Variants in CACNG2 observed in about 807,000 individuals in gnomAD.
CACNG2 encodes calcium voltage-gated channel auxiliary subunit gamma 2.
CACNG2 carries 3 observed loss-of-function variants against 25.9 expected under a neutral mutation model. The ratio of observed to expected loss-of-function variants is 0.12; its 90% CI spans 0.05 to 0.30. CACNG2 has a LOEUF of 0.30. Ranked by LOEUF, CACNG2 falls within the 10% of genes least tolerant of loss-of-function variation. CACNG2 has a pLI of 1.00. For missense variants in CACNG2, 341 were observed against 432.5 expected (o/e 0.79, Z 1.88); for synonymous variants, 167 against 173.3 (o/e 0.96, Z 0.29).
chr22:36,588,325 G>C (rs2145922716), intron 1 of CACNG2, among the ~76,000 whole-genome samples: 1 of 152,332 alleles, frequency 6.6e-6, no homozygotes, highest in Middle Eastern at 3.4e-3. Context: ...CTCGGTGCCT[G>C]CTGGGAAGGT....
chr22:36,643,906 G>C (rs1316206039), intron 1 of CACNG2, among the ~76,000 whole-genome samples: 1 of 152,156 alleles, frequency 6.6e-6, no homozygotes, highest in East Asian at 1.9e-4. Flanking sequence ...ATAAAGCTAA[G>C]CACCTTGCCC....
At chr22:36,595,577 G>A (rs1304618105) in intron 1 of CACNG2, among the ~76,000 whole-genome samples, 7 of 152,170 alleles carry the variant, frequency 4.6e-5, no homozygotes, top group Non-Finnish European at 2.9e-5. Flanking sequence ...TTTGCAAAAG[G>A]ACTGGTCCCA....
chr22:36,694,415 C>T (rs1326040727), intron 1 of CACNG2, among the ~76,000 whole-genome samples: 1 of 152,170 alleles, frequency 6.6e-6, no homozygotes, highest in Non-Finnish European at 1.5e-5. Context: ...GCCATCGCAG[C>T]TCACCAGCAA....
At chr22:36,661,492 C>T (rs771574802) in intron 1 of CACNG2, among the ~76,000 whole-genome samples, 57 of 152,010 alleles carry the variant, frequency 3.7e-4, no homozygotes, top group Non-Finnish European at 1.6e-4. Flanking sequence ...CCGTGTGGGG[C>T]CTAGGGTGTG....
intron 1 of CACNG2, among the ~76,000 whole-genome samples, chr22:36,607,867 C>T (rs527395731): frequency 2.6e-4 from 39 of 152,348 alleles, no homozygotes; most frequent in African/African-American, 9.4e-4. Context: ...GAATTAAGCT[C>T]TCCTCTCTTC....
intron 1 of CACNG2, among the ~76,000 whole-genome samples, chr22:36,592,390 G>T (rs1335545237): frequency 1.3e-5 from 2 of 152,140 alleles, no homozygotes; most frequent in South Asian, 2.1e-4. Context: ...GAGAGTGGAG[G>T]GGGTGTGGAT....
chr22:36,634,342 T>A (rs1396011617), intron 1 of CACNG2, among the ~76,000 whole-genome samples: 1 of 152,318 alleles, frequency 6.6e-6, no homozygotes, highest in African/African-American at 2.4e-5. Flanking sequence ...CCATGATTTT[T>A]CTCCTTCTAG....
intron 1 of CACNG2, among the ~76,000 whole-genome samples, chr22:36,640,701 T>C (rs1366677213): frequency 6.6e-6 from 1 of 152,204 alleles, no homozygotes; most frequent in Non-Finnish European, 1.5e-5. Flanking sequence ...AGGGCCTCTT[T>C]GTTTCCGCGC....
chr22:36,634,309 T>A (rs10427770), intron 1 of CACNG2, among the ~76,000 whole-genome samples: 8,846 of 152,234 alleles, frequency 0.058, 849 homozygotes, highest in African/African-American at 0.2. Context: ...GCCTACCCAT[T>A]ACAGCCTCTC....
At chr22:36,664,515 A>T (rs1486385002) in intron 1 of CACNG2, among the ~76,000 whole-genome samples, 1 of 152,132 alleles carries the variant, frequency 6.6e-6, no homozygotes, top group East Asian at 1.9e-4. Context: ...GATGGACACC[A>T]CCTACACCCC....
chr22:36,602,468 C>A (rs775427466), intron 1 of CACNG2, among the ~76,000 whole-genome samples: 39 of 152,202 alleles, frequency 2.6e-4, no homozygotes, highest in Non-Finnish European at 4.9e-4. Flanking sequence ...TCTCTGCAAC[C>A]TTTGCCTCCT....
chr22:36,641,424 G>A (rs1601431553), intron 1 of CACNG2, among the ~76,000 whole-genome samples: 1 of 152,334 alleles, frequency 6.6e-6, no homozygotes, highest in East Asian at 1.9e-4. Context: ...CCCATGGTAG[G>A]TATTTGACAA....
intron 2 of CACNG2, among the ~76,000 whole-genome samples, chr22:36,572,148 C>T (rs558418392): frequency 6.6e-6 from 1 of 152,194 alleles, no homozygotes; most frequent in African/African-American, 2.4e-5. Context: ...GCATATGGCA[C>T]TTCACATTAC....
intron 2 of CACNG2, among the ~76,000 whole-genome samples, chr22:36,576,936 C>T (rs976309517): frequency 6.6e-6 from 1 of 152,108 alleles, no homozygotes; most frequent in South Asian, 2.1e-4. Context: ...TTTTGAGAGC[C>T]CAGGGAGCTA....
intron 1 of CACNG2, among the ~76,000 whole-genome samples, chr22:36,619,146 C>A (rs921812856): frequency 1.3e-5 from 2 of 152,070 alleles, no homozygotes; most frequent in African/African-American, 4.8e-5. Context: ...GGCCCAAGAT[C>A]GCAGTGTTTC....
At chr22:36,669,542 T>A (rs1240442887) in intron 1 of CACNG2, among the ~76,000 whole-genome samples, 2 of 150,648 alleles carry the variant, frequency 1.3e-5, no homozygotes, top group Non-Finnish European at 3.0e-5. Flanking sequence ...AAGAACATCT[T>A]CTCTGAACTC....
At chr22:36,609,273 C>A (rs987707104) in intron 1 of CACNG2, among the ~76,000 whole-genome samples, 1 of 143,526 alleles carries the variant, frequency 7.0e-6, no homozygotes, top group East Asian at 2.1e-4. Flanking sequence ...GGAATCAGCA[C>A]CCCCAGAGTG....
chr22:36,691,279 G>T (rs1298846341), intron 1 of CACNG2, among the ~76,000 whole-genome samples: 1 of 134,948 alleles, frequency 7.4e-6, no homozygotes, highest in African/African-American at 2.8e-5. Context: ...GTAGGATGTG[G>T]CTGGGAAAGG....
chr22:36,682,199 C>T (rs1028339950), intron 1 of CACNG2, among the ~76,000 whole-genome samples: 3 of 152,204 alleles, frequency 2.0e-5, no homozygotes, highest in Non-Finnish European at 2.9e-5. Flanking sequence ...GGCTTGAAGG[C>T]CCTTGCAGGA....
Sources: gnomAD v4.1 joint callset for allele counts (sites outside exome capture counted in the v4.1 genomes callset) on GRCh38, gnomAD v4.1.1 for gene constraint, MANE v1.5 for transcripts, NCBI Gene and HGNC (gene_info 2026-07-23, HGNC 2026-07-21) for gene names.